The following ATG9B variants were observed in gnomAD, a reference collection of about 807,000 sequenced individuals.
ATG9B encodes autophagy related 9B.
A neutral mutation model predicts 92.9 loss-of-function variants in ATG9B; 92 were observed. The observed-to-expected ratio is 0.99, with a 90% CI of 0.84 to 1.18. The LOEUF (loss-of-function observed/expected upper bound fraction) is 1.18, where lower values mean the gene tolerates loss of function less well. Among genes scored for constraint, ATG9B ranks in the 50% most tolerant of loss-of-function variants. ATG9B has a pLI of 0.00. For missense variants in ATG9B, 1,344 were observed against 1,235.0 expected (o/e 1.09, Z -1.32); for synonymous variants, 599 against 551.4 (o/e 1.09, Z -1.21).
At position 151,018,065 on chromosome 7, in the gene ATG9B, G is replaced by A. The variant is rs1336850668; in HGVS notation, c.1873-15C>T. On this transcript the variant is annotated splice_polypyrimidine_tract_variant and intron_variant, in intron 7 of 13. Coordinates refer to ENST00000639579, the MANE Select transcript of ATG9B (RefSeq NM_001317056.2). The surrounding 1 kb of genome is among the most constrained non-coding windows in gnomAD (Gnocchi z 4.7). The stretch of plus-strand genomic sequence containing the variant: ...AGGAGGGAGACCTGGGGAAGCAGCG[G>A]TGAGGCTGAGCAGGGGTCGCTGAGG... 3.8e-6 allele frequency: 6 copies of A among 1,564,330 alleles called. No individual in the cohort carries two copies. Among genetic ancestry groups the A allele is most frequent in the Non-Finnish European group, 5.2e-6 (6 of 1,153,934 alleles).
At chr7:151,022,918 T>C in intron 4 of ATG9B, 127 bp downstream of exon 4, 1 of 1,207,022 alleles carries the variant, frequency 8.3e-7, no homozygotes, top group Non-Finnish European at 1.2e-6. Context: ...TTAAGTGTAT[T>C]TTTGGTCCTA....
rs570039652 is a variant in ATG9B at position 151,018,090 on chromosome 7, G to A, written c.1873-40C>T. 1 of 1,535,560 alleles carries A rather than the reference G, an allele frequency of 6.5e-7. No individual in the cohort carries two copies. The highest frequency in any genetic ancestry group is 2.4e-5 in the East Asian group (1 of 41,426). On this transcript the variant is annotated intron_variant, in intron 7 of 13. Transcript: ENST00000639579. This position sits in a 1 kb window ranked among gnomAD's most constrained non-coding sequence, Gnocchi z 4.7. ...GTGAGGCTGAGCAGGGGTCGCTGAG[G>A]GGCCCACGCGCGTTATCAGGACCAA...
At chr7:151,016,578 C>G (rs1795496796) in intron 10 of ATG9B, 51 bp from the exon 11 acceptor site, 2 of 1,544,944 alleles carry the variant, frequency 1.3e-6, no homozygotes, top group South Asian at 2.4e-5. Flanking sequence ...TCCCGCCACA[C>G]CCCAGAGGAC....
At chr7:151,017,754 C>G (rs1372716408) in intron 8 of ATG9B, 117 bp downstream of exon 8, 1 of 1,273,716 alleles carries the variant, frequency 7.9e-7, no homozygotes, top group Admixed American at 2.9e-5. Context: ...GGGAAGTGAC[C>G]CGCTCAACGG....
chr7:151,021,794 C>T (rs139813851), intron 4 of ATG9B, among the ~76,000 whole-genome samples: 318 of 151,746 alleles, frequency 2.1e-3, no homozygotes, highest in African/African-American at 7.1e-3. Context: ...GGACTACAGG[C>T]GCCCGCCACC....
Position 151,018,601 on chromosome 7 carries a change from C to T in ATG9B, c.1718+19G>A, listed in dbSNP as rs767322702. ...GAGAAACCAACACACACCACCACCC[C>T]GGGCATCTGCCGTCGCACCTGGCGA... is the stretch of plus-strand genomic sequence containing the variant. On this transcript the variant is annotated intron_variant, in intron 6 of 13. Transcript: ENST00000639579. The surrounding 1 kb of genome is among the most constrained non-coding windows in gnomAD (Gnocchi z 4.7). 8.8e-6 allele frequency: 14 copies of T among 1,591,238 alleles called. No individual in the cohort carries two copies. The highest frequency in any genetic ancestry group is 1.2e-5 in the Non-Finnish European group (14 of 1,173,862).
Position 151,018,134 on chromosome 7 carries a change from C to A in ATG9B, c.1873-84G>T. ...GGACCAAGCAGTCCCCAGCGACCCT[C>A]GCCAGGGCAAGAAGCCTCCCCACCC... is the stretch of plus-strand genomic sequence containing the variant. On this transcript the variant is annotated intron_variant, in intron 7 of 13. Transcript: ENST00000639579. This position sits in a 1 kb window ranked among gnomAD's most constrained non-coding sequence, Gnocchi z 4.7. 6.8e-7 allele frequency: 1 copy of A among 1,476,138 alleles called. No homozygotes were observed. 91.4% of individuals were successfully genotyped at this position (1,476,138 alleles called of 1,614,324 possible).
intron 4 of ATG9B, 38 bp from the exon 5 acceptor site, chr7:151,021,367 G>C (rs755016054): frequency 3.2e-6 from 5 of 1,541,034 alleles, no homozygotes; most frequent in Non-Finnish European, 4.4e-6. Context: ...GAGAAAGGTG[G>C]GCGCCTGAGA....
rs760431840 is a variant in ATG9B, at chr7:151,021,328, T to A, written c.823A>T (p.Ile275Phe). ...AGGACCAGCAGCGGGCTGGAGCGGA[T>A]CCTGTATGGGGTTGGGCGGGCAGTG... ...ILPSAQCAER[I>F]RSSPLLVLLL... Residue 275 changes from isoleucine (I) to phenylalanine (F), a missense_variant and splice_region_variant, in exon 5 of 14, where the codon ATC becomes TTC. Physicochemically the swap from Ile to Phe is conservative, Grantham distance 21 (BLOSUM62 0). Transcript: ENST00000639579. 77 of 1,605,124 alleles carry A rather than the reference T, an allele frequency of 4.8e-5. No individual in the cohort carries two copies. In the East Asian group the frequency reaches 1.7e-3, roughly 36 times the overall value.
chr7:151,021,562 C>CT (rs1270628730), intron 4 of ATG9B, among the ~76,000 whole-genome samples: 3 of 152,056 alleles, frequency 2.0e-5, no homozygotes, highest in Non-Finnish European at 2.9e-5. Context: ...TTCTTGTACT[C>CT]TGAGAGTACA....
chr7:151,016,379 T>C lies in ATG9B; in HGVS notation c.2520+52A>G, dbSNP rs1370159367. The C allele has an allele frequency of 1.5e-5, 23 of 1,536,148 alleles. No individual in the cohort carries two copies. In the South Asian group the frequency reaches 2.6e-4, roughly 18 times the overall value. ...ACTCCACCCCACCTCAGTCTCCATG[T>C]TGTTCACCTGCCTTCTCTCCACATT... On this transcript the variant is annotated intron_variant, in intron 11 of 13. Transcript: ENST00000639579.
chr7:151,017,733 G>C, intron 8 of ATG9B, 138 bp downstream of exon 8: 1 of 1,086,158 alleles, frequency 9.2e-7, no homozygotes, highest in Non-Finnish European at 1.3e-6. Flanking sequence ...GAGGGCACGA[G>C]AGCACAGGAA....
At chr7:151,013,091 T>C, downstream of ATG9B, 1 of 906,270 alleles carries the variant, frequency 1.1e-6, no homozygotes, top group Non-Finnish European at 1.7e-6. Flanking sequence ...CTACACTCTC[T>C]TAGAGATGAA....
downstream of ATG9B, chr7:151,013,042 CTG>C: frequency 3.2e-6 from 2 of 632,762 alleles, no homozygotes; most frequent in Non-Finnish European, 5.3e-6. Flanking sequence ...TCCCTTCCCT[CTG>C]TAAATCAGGG....
chr7:151,016,800 G>C lies in ATG9B; in HGVS notation c.2311C>G (p.Leu771Val). ...GGAGGCAGGAGAGGGTGCACGAAGA[G>C]GTTGGCCAGGAAGGCCTCAGGCTGG... ...SPLPEAFLAN[L>V]FVHPLLPPRD... Residue 771 changes from leucine to valine, a missense_variant, in exon 10 of 14, where the codon CTC becomes GTC. Transcript: ENST00000639579. 6.2e-7 allele frequency: 1 copy of C among 1,610,554 alleles called. No homozygotes were observed.
rs188063500 is a variant in ATG9B at position 151,016,207 on chromosome 7, G to C, written c.2549C>G (p.Pro850Arg). The change falls in exon 12 of 14, where the codon CCG becomes CGG. Residue 850 changes from proline (P) to arginine (R), a missense_variant. Transcript: ENST00000639579. Reference sequence around the variant, plus strand: ...GATGGAGGCTGCAGCCTCACCCCACGGCTCCTGCTGCTGCTGCTGCTGGTG... The same window carrying C: ...GATGGAGGCTGCAGCCTCACCCCACCGCTCCTGCTGCTGCTGCTGCTGGTG... ...QLHQQQQQQEPWGEAAASILS... is the reference protein window; with the variant it reads ...QLHQQQQQQERWGEAAASILS... 3,193 of 1,505,024 alleles carry C rather than the reference G, an allele frequency of 2.1e-3. 110 individuals carry two copies. The Admixed American group carries it at 0.064, about 30-fold the overall frequency. 93.2% of individuals were successfully genotyped at this position (1,505,024 alleles called of 1,614,324 possible).
chr7:151,015,996 T>C lies in ATG9B; in HGVS notation c.2675A>G (p.Gln892Arg). Residue 892 changes from glutamine (Q) to arginine (R), a missense_variant, in exon 13 of 14, where the codon CAA becomes CGA. Transcript: ENST00000639579. ...CCGGGCCTTCTGGGTTCCCCACTGT[T>C]GTCTGGGGCTAGAGGCAGGACTGGA... Reference protein sequence around the residue: ...DGSSPASSPRQQWGTQKARNL... With the variant: ...DGSSPASSPRRQWGTQKARNL... 1 of 1,551,672 alleles carries C rather than the reference T, an allele frequency of 6.4e-7. No homozygotes were observed.
Position 151,024,131 on chromosome 7 carries a change from G to T in ATG9B, c.293C>A (p.Pro98Gln). 1 of 1,589,914 alleles carries T rather than the reference G, an allele frequency of 6.3e-7. No individual in the cohort carries two copies. Residue 98 changes from proline to glutamine, a missense_variant, in exon 1 of 14, where the codon CCA becomes CAA. Pro to Gln is a moderately conservative substitution (Grantham distance 76). Transcript: ENST00000639579. ...HSALPIPATP[P>Q]TQAQPAMTPA... ...TGTCATTGCAGGTTGAGCCTGTGTT[G>T]GGGGGGTGGCTGGGATAGGGAGAGC... is the stretch of plus-strand genomic sequence containing the variant.
Position 151,018,547 on chromosome 7 carries a change from C to G in ATG9B, c.1718+73G>C. On this transcript the variant is annotated intron_variant, in intron 6 of 13. Transcript: ENST00000639579. The surrounding 1 kb of genome is among the most constrained non-coding windows in gnomAD (Gnocchi z 4.7). ...CCCAGTGGTGGGAGAGGTAAGGATT[C>G]GGGGGGAACCTCACATGGCCCCAGA... The G allele has an allele frequency of 2.0e-6, 3 of 1,533,198 alleles. No homozygotes were observed. Among genetic ancestry groups the G allele is most frequent in the Non-Finnish European group, 2.6e-6 (3 of 1,143,320 alleles). The allele number at this position is 1,533,198 out of a possible 1,614,324, so 95.0% of individuals were successfully genotyped here.
Sources: allele counts gnomAD v4.1 joint callset (sites outside exome capture counted in the v4.1 genomes callset), GRCh38; gene constraint gnomAD v4.1.1; non-coding constraint Gnocchi (gnomAD v3.1); transcripts MANE v1.5; gene names NCBI Gene and HGNC (gene_info 2026-07-23, HGNC 2026-07-21).